The following RPL39L variants were observed in gnomAD, a reference collection of about 807,000 sequenced individuals.
RPL39L encodes ribosomal protein eL39-like 2.
For synonymous variants in RPL39L, 16 were observed against 20.1 expected (o/e 0.80, Z 0.55); for missense variants, 48 against 58.9 (o/e 0.81, Z 0.61).
chr3:187,130,627 C>G (rs1720470337), intron 1 of RPL39L, among the ~76,000 whole-genome samples: 1 of 152,192 alleles, frequency 6.6e-6, no homozygotes, highest in Non-Finnish European at 1.5e-5. Context: ...TAGTGCTATG[C>G]TTCCTGTACA....
chr3:187,131,017 T>C (rs1312576072), intron 1 of RPL39L, among the ~76,000 whole-genome samples: 1 of 152,224 alleles, frequency 6.6e-6, no homozygotes, highest in Non-Finnish European at 1.5e-5. Flanking sequence ...TTCCTTAGCA[T>C]GTCCTCTTTC....
chr3:187,135,145 T>A (rs1050473220), intron 1 of RPL39L, among the ~76,000 whole-genome samples: 2 of 152,210 alleles, frequency 1.3e-5, no homozygotes, highest in Non-Finnish European at 2.9e-5. Flanking sequence ...TGGGGCAATC[T>A]CATTTCAGTC....
chr3:187,132,651 C>T (rs1720505912), intron 1 of RPL39L, among the ~76,000 whole-genome samples: 1 of 152,208 alleles, frequency 6.6e-6, no homozygotes, highest in Admixed American at 6.5e-5. Flanking sequence ...CCATATTCAA[C>T]ATGCATAAAT....
chr3:187,122,147 C>T (rs1720321257), intron 2 of RPL39L, among the ~76,000 whole-genome samples: 1 of 152,216 alleles, frequency 6.6e-6, no homozygotes, highest in South Asian at 2.1e-4. Context: ...ATCTAATTAT[C>T]AAAATTGACC....
chr3:187,132,981 C>T (rs1047874655), intron 1 of RPL39L, among the ~76,000 whole-genome samples: 1 of 152,186 alleles, frequency 6.6e-6, no homozygotes, highest in Non-Finnish European at 1.5e-5. Flanking sequence ...GTACCTCATA[C>T]ACTGATAAGA....
At chr3:187,121,978 G>A (rs530452756) in intron 2 of RPL39L, among the ~76,000 whole-genome samples, 2 of 152,084 alleles carry the variant, frequency 1.3e-5, no homozygotes, top group South Asian at 2.1e-4. Flanking sequence ...AGGAAAACAT[G>A]GTTGAAAATA....
At chr3:187,132,870 C>A (rs145117771) in intron 1 of RPL39L, among the ~76,000 whole-genome samples, 1 of 152,278 alleles carries the variant, frequency 6.6e-6, no homozygotes, top group East Asian at 1.9e-4. Context: ...CAACTGGTCA[C>A]CCCACCTAAG....
At chr3:187,139,030 C>A (rs564534415) in intron 1 of RPL39L, among the ~76,000 whole-genome samples, 183 bp downstream of exon 1, 21 of 152,080 alleles carry the variant, frequency 1.4e-4, no homozygotes, top group Non-Finnish European at 2.5e-4. Context: ...TGCACTCCAG[C>A]CTGGGCGACG....
intron 2 of RPL39L, among the ~76,000 whole-genome samples, chr3:187,126,255 G>C (rs1371610695): frequency 6.6e-6 from 1 of 151,052 alleles, no homozygotes; most frequent in Non-Finnish European, 1.5e-5. Flanking sequence ...TCTGCCTCCC[G>C]GGTTCAAGCA....
chr3:187,128,768 G>C (rs1372313093), intron 1 of RPL39L, among the ~76,000 whole-genome samples: 1 of 152,198 alleles, frequency 6.6e-6, no homozygotes, highest in Non-Finnish European at 1.5e-5. Context: ...CAACCAAATA[G>C]TCCCCACGGC....
chr3:187,130,502 C>A (rs918621894), intron 1 of RPL39L, among the ~76,000 whole-genome samples: 2 of 152,102 alleles, frequency 1.3e-5, no homozygotes, highest in African/African-American at 4.8e-5. Flanking sequence ...TGGTACTTCC[C>A]TTTCCCCAAC....
At chr3:187,132,088 G>A (rs1720492959) in intron 1 of RPL39L, among the ~76,000 whole-genome samples, 1 of 152,074 alleles carries the variant, frequency 6.6e-6, no homozygotes, top group Non-Finnish European at 1.5e-5. Context: ...ATAACCATTA[G>A]TTATGGTTGC....
chr3:187,131,474 T>C (rs1235843211), intron 1 of RPL39L, among the ~76,000 whole-genome samples: 1 of 152,058 alleles, frequency 6.6e-6, no homozygotes, highest in Non-Finnish European at 1.5e-5. Flanking sequence ...GAGACGGAGG[T>C]TGCAGTGAGC....
intron 1 of RPL39L, among the ~76,000 whole-genome samples, chr3:187,137,152 T>C (rs190776737): frequency 2.2e-4 from 31 of 141,554 alleles, no homozygotes; most frequent in East Asian, 2.0e-3. Context: ...TGAGTCATGA[T>C]TGAGTCAATG....
At chr3:187,121,601 C>A (rs886824216) in intron 2 of RPL39L, among the ~76,000 whole-genome samples, 2 of 152,162 alleles carry the variant, frequency 1.3e-5, no homozygotes, top group African/African-American at 4.8e-5. Context: ...CAGCAACATA[C>A]TTCTGCTTCT....
At chr3:187,134,818 T>C (rs1270493406) in intron 1 of RPL39L, among the ~76,000 whole-genome samples, 1 of 152,226 alleles carries the variant, frequency 6.6e-6, no homozygotes, top group Admixed American at 6.5e-5. Context: ...CCTTTCTCAG[T>C]GCCAGGAGGA....
chr3:187,124,699 T>C (rs1343852481), intron 2 of RPL39L, among the ~76,000 whole-genome samples: 1 of 152,196 alleles, frequency 6.6e-6, no homozygotes, highest in Non-Finnish European at 1.5e-5. Flanking sequence ...GCAAAAAGTA[T>C]AGGCCCACTC....
At chr3:187,131,591 A>C (rs2108469521) in intron 1 of RPL39L, among the ~76,000 whole-genome samples, 1 of 152,306 alleles carries the variant, frequency 6.6e-6, no homozygotes, top group East Asian at 1.9e-4. Context: ...AACAAACTGC[A>C]CAGGCTCAAG....
At chr3:187,132,398 G>A (rs557984528) in intron 1 of RPL39L, among the ~76,000 whole-genome samples, 20 of 152,356 alleles carry the variant, frequency 1.3e-4, no homozygotes, top group African/African-American at 4.8e-4. Context: ...TAAGTCTGGT[G>A]CTGGTTGAAT....
Sources: allele counts gnomAD v4.1 joint callset (sites outside exome capture counted in the v4.1 genomes callset), GRCh38; gene constraint gnomAD v4.1.1; transcripts MANE v1.5; gene names NCBI Gene and HGNC (gene_info 2026-07-23, HGNC 2026-07-21).